The following LIG1 variants were observed in gnomAD, a reference collection of about 807,000 sequenced individuals.
LIG1 encodes the protein ligase I, DNA, ATP-dependent.
A neutral mutation model predicts 115.7 loss-of-function variants in LIG1; 70 were observed. The ratio of observed to expected loss-of-function variants is 0.60; its 90% CI spans 0.50 to 0.74. LIG1 has a LOEUF of 0.74. Among genes scored for constraint, LIG1 ranks in the 30% least tolerant of loss-of-function variants. The pLI, the probability that LIG1 is intolerant of heterozygous loss-of-function variation, is 0.00. For missense variants in LIG1, 1,115 were observed against 1,225.6 expected, an observed-to-expected ratio of 0.91 and a Z score of 1.35; for synonymous variants, 487 against 495.3, an observed-to-expected ratio of 0.98 and a Z score of 0.22.
At chr19:48,147,696 T>C (rs1000542001) in intron 9 of LIG1, among the ~76,000 whole-genome samples, 3 of 151,942 alleles carry the variant, frequency 2.0e-5, no homozygotes, top group Non-Finnish European at 4.4e-5. Flanking sequence ...ACCTAAGTTC[T>C]ATAAAGAGGA....
In LIG1 at chr19:48,133,092, G is replaced by T; in HGVS notation, c.1615C>A (p.Pro539Thr). The T allele has an allele frequency of 6.2e-7, 1 of 1,604,076 alleles. No individual in the cohort carries two copies. The highest frequency in any genetic ancestry group is 8.5e-7 in the Non-Finnish European group (1 of 1,170,786). Residue 539 changes from proline (P) to threonine (T), a missense_variant, in exon 18 of 28, where the codon CCC becomes ACC. Coordinates refer to ENST00000263274, the MANE Select transcript of LIG1 (RefSeq NM_000234.3). ...PEHCKLSPGI[P>T]LKPMLAHPTR... is the part of the protein sequence containing the mutation. ...GGATGGGCCAACATTGGTTTCAGGG[G>T]AATCCCTGGGAAAGGAGGAGAGTGA...
In LIG1 at chr19:48,122,950, G is replaced by T. The variant is rs751658356; in HGVS notation, c.2216C>A (p.Ser739Ter). Residue 739 changes from serine to a stop codon, truncating the protein, a stop_gained, in exon 23 of 28, where the codon TCG (serine) becomes TAG (stop). Coordinates refer to ENST00000263274, the MANE Select transcript of LIG1 (RefSeq NM_000234.3). LOFTEE classifies it high-confidence loss of function. The surrounding 1 kb of genome is among the most constrained non-coding windows in gnomAD (Gnocchi z 4.3). ...VDATYEIAKR[S>*]HNWLKLKKDY... ...GAGAATCACCTTGAGCCAGTTGTGC[G>T]ATCTCTTGGCGATCTCGTAGGTGGC... The T allele has an allele frequency of 9.9e-6, 16 of 1,613,420 alleles. No homozygotes were observed. The highest frequency in any genetic ancestry group is 1.4e-5 in the Non-Finnish European group (16 of 1,179,922).
intron 18 of LIG1, among the ~76,000 whole-genome samples, chr19:48,131,594 G>C (rs1412079604): frequency 1.3e-5 from 2 of 152,100 alleles, no homozygotes; most frequent in African/African-American, 2.4e-5. Flanking sequence ...AAGGAGCTGG[G>C]ATTACAGGCG....
intron 11 of LIG1, among the ~76,000 whole-genome samples, chr19:48,141,687 G>C (rs1242669914): frequency 6.6e-6 from 1 of 152,160 alleles, no homozygotes; most frequent in African/African-American, 2.4e-5. Context: ...TGGAAAGAAT[G>C]GCTTTGTTAC....
chr19:48,130,987 A>G (rs2033982040), intron 19 of LIG1, 89 bp downstream of exon 19: 1 of 1,027,052 alleles, frequency 9.7e-7, no homozygotes, highest in Non-Finnish European at 1.5e-6. Flanking sequence ...TAAACCCCGC[A>G]CTGTGCCACA....
intron 16 of LIG1, among the ~76,000 whole-genome samples, 166 bp downstream of exon 16, chr19:48,135,514 C>A (rs1049682124): frequency 6.6e-6 from 1 of 152,150 alleles, no homozygotes; most frequent in African/African-American, 2.4e-5. Flanking sequence ...GTGTCAAGCA[C>A]CAGCCTTGTC....
chr19:48,162,058 C>A (rs1406238944), intron 3 of LIG1, among the ~76,000 whole-genome samples: 1 of 152,196 alleles, frequency 6.6e-6, no homozygotes, highest in Non-Finnish European at 1.5e-5. Context: ...AGGCCAAGAC[C>A]TGCAGAAACA....
Position 48,132,966 on chromosome 19 carries a change from G to A in LIG1, c.1725+16C>T, listed in dbSNP as rs1410396335. The stretch of plus-strand genomic sequence containing the variant: ...GTTTTCCTGTCTGTGGAAGGGACAT[G>A]TCCCACTCCCCATACCTGTGCCCTC... On this transcript the variant is annotated intron_variant, in intron 18 of 27. Coordinates refer to ENST00000263274, the MANE Select transcript of LIG1 (RefSeq NM_000234.3). 3 of 1,557,254 alleles carry A rather than the reference G, an allele frequency of 1.9e-6. No homozygotes were observed. The highest frequency in any genetic ancestry group is 1.7e-5 in the Admixed American group (1 of 59,936).
intron 21 of LIG1, among the ~76,000 whole-genome samples, chr19:48,125,987 C>CA (rs56362940): frequency 0.16 from 16,848 of 105,684 alleles, 1,442 homozygotes; most frequent in Middle Eastern, 0.28. Flanking sequence ...GACTCCATCT[C>CA]AAAAAAAAAA....
chr19:48,154,591 A>C, intron 5 of LIG1: 1 of 159,630 alleles, frequency 6.3e-6, no homozygotes, highest in East Asian at 1.7e-4. Context: ...CACCTCCTAA[A>C]CAAACCACTT....
Position 48,137,959 on chromosome 19 carries a change from C to A in LIG1, c.1088-271G>T. ...ACCACACTCAGGGGAGACATCTGGGCCGGTGTCATCAGGGCGCGGATGGGA... is the reference window on the plus strand; with the variant it reads ...ACCACACTCAGGGGAGACATCTGGGACGGTGTCATCAGGGCGCGGATGGGA... On this transcript the variant is annotated intron_variant, in intron 12 of 27. Transcript: ENST00000263274. The surrounding 1 kb of genome is among the most constrained non-coding windows in gnomAD (Gnocchi z 4.3). 1.8e-6 allele frequency: 1 copy of A among 558,846 alleles called. No homozygotes were observed. The highest frequency in any genetic ancestry group is 3.0e-5 in the Admixed American group (1 of 33,208). 34.6% of individuals were successfully genotyped at this position (558,846 alleles called of 1,614,324 possible).
intron 21 of LIG1, among the ~76,000 whole-genome samples, chr19:48,126,746 T>A (rs2033694180): frequency 7.2e-6 from 1 of 138,870 alleles, no homozygotes; most frequent in Non-Finnish European, 1.6e-5. Flanking sequence ...ATAATATTAA[T>A]TTTTTTTTTT....
rs757832957 is a variant in LIG1 at position 48,133,002 on chromosome 19, A to G, written c.1705T>C (p.Tyr569His). The change falls in exon 18 of 28, where the codon TAT becomes CAT. Residue 569 changes from tyrosine (Y) to histidine (H), a missense_variant. Coordinates refer to ENST00000263274, the MANE Select transcript of LIG1 (RefSeq NM_000234.3). ...CATACCTGTGCCCTCTGCCCGTCAT[A>G]TTTGTATTCGCAGGTGAAAGCTGCC... ...EEAAFTCEYK[Y>H]DGQRAQIHAL... is the part of the protein sequence containing the mutation. 5.0e-6 allele frequency: 8 copies of G among 1,613,292 alleles called. No individual in the cohort carries two copies. Among genetic ancestry groups the G allele is most frequent in the African/African-American group, 1.3e-5 (1 of 74,834 alleles).
intron 26 of LIG1, among the ~76,000 whole-genome samples, chr19:48,117,286 G>C (rs892717331): frequency 6.6e-6 from 1 of 151,278 alleles, no homozygotes; most frequent in Non-Finnish European, 1.5e-5. Context: ...CAGCCTCCTG[G>C]GTAGCTGGGA....
Position 48,157,040 on chromosome 19 carries a change from G to T in LIG1, c.344C>A (p.Pro115Gln). 6.2e-7 allele frequency: 1 copy of T among 1,612,660 alleles called. No individual in the cohort carries two copies. The highest frequency in any genetic ancestry group is 1.1e-5 in the South Asian group (1 of 91,046). Residue 115 changes from proline to glutamine, a missense_variant, in exon 5 of 28, where the codon CCA (proline) becomes CAA (glutamine). Pro to Gln is a moderately conservative substitution (Grantham distance 76). Coordinates refer to ENST00000263274, the MANE Select transcript of LIG1 (RefSeq NM_000234.3). ...TGTGCGACGCTTCGGAATCCCTGATGGGGAACTGTCCATGGGAGAGGTGTC... is the reference window on the plus strand; with the variant it reads ...TGTGCGACGCTTCGGAATCCCTGATTGGGAACTGTCCATGGGAGAGGTGTC... ...LSDTSPMDSS[P>Q]SGIPKRRTAR...
In LIG1 at chr19:48,157,094, G is replaced by A. The variant is rs779139031; in HGVS notation, c.290C>T (p.Thr97Ile). 1 of 1,613,734 alleles carries A rather than the reference G, an allele frequency of 6.2e-7. No individual in the cohort carries two copies. Among genetic ancestry groups the A allele is most frequent in the Non-Finnish European group, 8.5e-7 (1 of 1,179,756 alleles). The part of the protein sequence containing the change: ...CSQVSPPRPA[T>I]SPENNASLSD... ...GAGGGAAGCATTGTTCTCAGGAGAT[G>A]TGGCAGGACGGGGCGGGGAGACCTG... The change falls in exon 5 of 28, where the codon ACA (threonine) becomes ATA (isoleucine). Residue 97 changes from threonine (T) to isoleucine (I), a missense_variant. Thr to Ile is a moderately conservative substitution (Grantham distance 89). Transcript: ENST00000263274.
At chr19:48,166,964 A>C (rs2036515991) in intron 1 of LIG1, among the ~76,000 whole-genome samples, 1 of 144,660 alleles carries the variant, frequency 6.9e-6, no homozygotes, top group African/African-American at 2.7e-5. Context: ...TGTCTCAAAA[A>C]AAAAAAAAAA....
At position 48,137,367 on chromosome 19, in the gene LIG1, G is replaced by C. The variant is rs556661250; in HGVS notation, c.1254+155C>G. Reference sequence around the variant, plus strand: ...GACTCTGAAGAGGAGACTCCCCTAGGATTGGGTGCAGGAAGGAGGAGAGGA... The same window carrying C: ...GACTCTGAAGAGGAGACTCCCCTAGCATTGGGTGCAGGAAGGAGGAGAGGA... On this transcript the variant is annotated intron_variant, in intron 13 of 27. Coordinates refer to ENST00000263274, the MANE Select transcript of LIG1 (RefSeq NM_000234.3). The surrounding 1 kb of genome is among the most constrained non-coding windows in gnomAD (Gnocchi z 4.3). 1.3e-5 allele frequency among the ~76,000 whole-genome samples: 2 copies of C among 152,312 alleles called. No homozygotes were observed. Among genetic ancestry groups the C allele is most frequent in the East Asian group, 3.9e-4 (2 of 5,182 alleles).
At chr19:48,144,770 C>T (rs755181050) in intron 9 of LIG1, among the ~76,000 whole-genome samples, 1 of 152,188 alleles carries the variant, frequency 6.6e-6, no homozygotes, top group Non-Finnish European at 1.5e-5. Context: ...TCCCAAAGTG[C>T]TAGGATTATA....
Sources: allele counts gnomAD v4.1 joint callset (sites outside exome capture counted in the v4.1 genomes callset), GRCh38; gene constraint gnomAD v4.1.1; non-coding constraint Gnocchi (gnomAD v3.1); transcripts MANE v1.5; gene names NCBI Gene and HGNC (gene_info 2026-07-23, HGNC 2026-07-21).